Variants in RIMS2 observed in about 807,000 individuals in gnomAD.
RIMS2 encodes the protein regulating synaptic membrane exocytosis protein 2.
RIMS2 carries 59 observed loss-of-function variants against 174.4 expected under a neutral mutation model. The observed-to-expected ratio is 0.34, with a 90% confidence interval of 0.27 to 0.42. The LOEUF (loss-of-function observed/expected upper bound fraction) is 0.42. RIMS2 is among the 10% of genes least tolerant of loss of function. The pLI, the probability that RIMS2 is intolerant of heterozygous loss-of-function variation, is 1.00. For synonymous variants in RIMS2, 606 were observed against 572.5 expected (o/e 1.06, Z -0.84); for missense variants, 1,620 against 1,666.3 (o/e 0.97, Z 0.48).
chr8:103,814,151 A>G (rs368634567), intron 3 of RIMS2, among the ~76,000 whole-genome samples: 10 of 152,304 alleles, frequency 6.6e-5, no homozygotes, highest in African/African-American at 2.4e-4. Context: ...ACAGGAACAG[A>G]AAACCAAATA....
intron 1 of RIMS2, among the ~76,000 whole-genome samples, chr8:103,617,208 G>A (rs2095525432): frequency 6.6e-6 from 1 of 151,776 alleles, no homozygotes; most frequent in Non-Finnish European, 1.5e-5. Flanking sequence ...CCTAGAAATA[G>A]GGCCCCACAT....
At chr8:104,244,852 C>T (rs2099321872) in intron 19 of RIMS2, 64 bp from the exon 26 acceptor site, 7 of 1,338,638 alleles carry the variant, frequency 5.2e-6, no homozygotes, top group East Asian at 2.3e-5. Flanking sequence ...TCAGAGCCTT[C>T]GCTGATATTT....
At chr8:103,811,252 C>T (rs774905336) in intron 3 of RIMS2, among the ~76,000 whole-genome samples, 12 of 152,094 alleles carry the variant, frequency 7.9e-5, no homozygotes, top group Admixed American at 1.3e-4. Flanking sequence ...GCAGTCCTAA[C>T]GCTAAAAGGA....
At chr8:103,514,624 GTTTA>G (rs938964015) in intron 1 of RIMS2, among the ~76,000 whole-genome samples, 16 of 151,484 alleles carry the variant, frequency 1.1e-4, no homozygotes, top group Non-Finnish European at 2.2e-4. Context: ...TTAATATCAG[GTTTA>G]TTTATTTATC....
chr8:104,048,488 C>T (rs2096730876), intron 19 of RIMS2, among the ~76,000 whole-genome samples: 1 of 152,180 alleles, frequency 6.6e-6, no homozygotes, highest in East Asian at 1.9e-4. Context: ...TTTAGCATAA[C>T]CTTTCTAAAA....
At chr8:104,190,935 G>GTTTTTT (rs57373743) in intron 19 of RIMS2, among the ~76,000 whole-genome samples, 1 of 144,516 alleles carries the variant, frequency 6.9e-6, no homozygotes, top group Non-Finnish European at 1.5e-5. Context: ...CTCTTTTTTT[G>GTTTTTT]TTTTTTTTTT....
chr8:103,523,511 A>G (rs796819121), intron 1 of RIMS2, among the ~76,000 whole-genome samples: 23 of 152,276 alleles, frequency 1.5e-4, no homozygotes, highest in African/African-American at 5.1e-4. Flanking sequence ...ATGGACCAGT[A>G]GGTTGGGGCA....
rs191084298 is a variant in RIMS2 at position 104,120,492 on chromosome 8, C to T, written c.3334+105877C>T. 3.0e-4 allele frequency among the ~76,000 whole-genome samples: 46 copies of T among 152,152 alleles called. 1 individual carries two copies. The highest frequency in any genetic ancestry group is 1.4e-3 in the Admixed American group (21 of 15,272). On this transcript the variant is annotated intron_variant, in intron 19 of 23. Transcript: ENST00000504942. ...GTTTGTGACTGTATGTTAGTAATTT[C>T]GGTATCCATCAACCAGAAATAGTAA...
At chr8:103,756,101 A>G (rs180755369) in intron 2 of RIMS2, among the ~76,000 whole-genome samples, 76 of 152,228 alleles carry the variant, frequency 5.0e-4, no homozygotes, top group Non-Finnish European at 2.4e-4. Flanking sequence ...TGTCCTACAG[A>G]TGGGGTTTTG....
At chr8:103,932,225 G>A (rs2080118354) in intron 12 of RIMS2, among the ~76,000 whole-genome samples, 1 of 152,144 alleles carries the variant, frequency 6.6e-6, no homozygotes, top group South Asian at 2.1e-4. Context: ...AGGCACAGAT[G>A]TGATGTTAAA....
chr8:104,026,759 A>G (rs1442321097), intron 19 of RIMS2, among the ~76,000 whole-genome samples: 1 of 152,166 alleles, frequency 6.6e-6, no homozygotes, highest in African/African-American at 2.4e-5. Flanking sequence ...CATTCTAGGT[A>G]TTGGATACCA....
At chr8:103,846,356 G>T (rs756052476) in intron 3 of RIMS2, among the ~76,000 whole-genome samples, 1 of 152,142 alleles carries the variant, frequency 6.6e-6, no homozygotes, top group Non-Finnish European at 1.5e-5. Flanking sequence ...TAAGGGAATG[G>T]AGTGAAGCAG....
chr8:103,772,780 GTC>G (rs1299438470), intron 3 of RIMS2, among the ~76,000 whole-genome samples: 1 of 152,086 alleles, frequency 6.6e-6, no homozygotes, highest in Non-Finnish European at 1.5e-5. Context: ...AGAATGGAGA[GTC>G]TATATATAAA....
chr8:103,734,011 C>CTTATT (rs2097647862), intron 2 of RIMS2, among the ~76,000 whole-genome samples: 1 of 99,914 alleles, frequency 1.0e-5, no homozygotes, highest in Non-Finnish European at 2.0e-5. Flanking sequence ...CTCCTAAAAG[C>CTTATT]TTCTTTTTTT....
intron 2 of RIMS2, among the ~76,000 whole-genome samples, chr8:103,703,463 C>G (rs920562760): frequency 2.0e-5 from 3 of 152,072 alleles, no homozygotes; most frequent in African/African-American, 7.2e-5. Context: ...GTCTCGAACT[C>G]CTGACCTCAA....
intron 2 of RIMS2, among the ~76,000 whole-genome samples, chr8:103,762,351 C>T (rs190150630): frequency 6.6e-6 from 1 of 152,192 alleles, no homozygotes; most frequent in Non-Finnish European, 1.5e-5. Context: ...TTAATAGTCT[C>T]TAACCAGGGA....
chr8:104,045,454 TAAAC>T (rs1597675421), intron 19 of RIMS2, among the ~76,000 whole-genome samples: 1 of 151,996 alleles, frequency 6.6e-6, no homozygotes, highest in South Asian at 2.1e-4. Flanking sequence ...AAATAATTGT[TAAAC>T]AAGTCTAATA....
chr8:104,225,720 G>T (rs2099183528), intron 19 of RIMS2, among the ~76,000 whole-genome samples: 1 of 152,126 alleles, frequency 6.6e-6, no homozygotes, highest in Admixed American at 6.5e-5. Context: ...AATTGGAACA[G>T]ATTTCTATCC....
intron 19 of RIMS2, among the ~76,000 whole-genome samples, chr8:104,243,471 G>C (rs1383693688): frequency 6.6e-6 from 1 of 152,148 alleles, no homozygotes; most frequent in Non-Finnish European, 1.5e-5. Context: ...CAAATGACAA[G>C]GTCAGGAGTT....
Sources: gnomAD v4.1 joint callset for allele counts (sites outside exome capture counted in the v4.1 genomes callset) on GRCh38, gnomAD v4.1.1 for gene constraint, MANE v1.5 for transcripts, NCBI Gene and HGNC (gene_info 2026-07-23, HGNC 2026-07-21) for gene names.